The following ROBO2 variants were observed in gnomAD, a reference collection of about 807,000 sequenced individuals.
ROBO2 encodes the protein roundabout guidance receptor 2, also known as roundabout homolog 2.
A neutral mutation model predicts 160.8 loss-of-function variants in ROBO2; 53 were observed. The observed-to-expected ratio is 0.33, with a 90% confidence interval of 0.26 to 0.41. The LOEUF is 0.41. Ranked by LOEUF, ROBO2 falls within the 10% of genes least tolerant of loss-of-function variation. The pLI, the probability that ROBO2 is intolerant of heterozygous loss-of-function variation, is 1.00. For synonymous variants in ROBO2, 664 were observed against 611.7 expected, an observed-to-expected ratio of 1.09 and a Z score of -1.26; for missense variants, 1,577 against 1,722.4, an observed-to-expected ratio of 0.92 and a Z score of 1.49.
At chr3:77,156,546 G>C (rs557192200) in intron 2 of ROBO2, among the ~76,000 whole-genome samples, 2 of 151,874 alleles carry the variant, frequency 1.3e-5, no homozygotes, top group African/African-American at 4.8e-5. Flanking sequence ...CCTGTGTATT[G>C]CAAGTTGCTG....
At chr3:76,867,109 G>A (rs1162237320) in intron 2 of ROBO2, among the ~76,000 whole-genome samples, 1 of 152,146 alleles carries the variant, frequency 6.6e-6, no homozygotes, top group African/African-American at 2.4e-5. Flanking sequence ...CATTTATTAA[G>A]TGTTTACATG....
At chr3:75,993,886 G>C (rs1025486893) in intron 2 of ROBO2, among the ~76,000 whole-genome samples, 4 of 152,116 alleles carry the variant, frequency 2.6e-5, no homozygotes, top group Non-Finnish European at 5.9e-5. Context: ...ACTACTCCCA[G>C]ACCCAACCCC....
chr3:77,217,189 C>A (rs1368384843), intron 2 of ROBO2, among the ~76,000 whole-genome samples: 1 of 151,812 alleles, frequency 6.6e-6, no homozygotes, highest in Non-Finnish European at 1.5e-5. Context: ...GTTGCCCAGG[C>A]TGGAGTGCAG....
At chr3:76,271,713 C>G (rs1188574266) in intron 2 of ROBO2, among the ~76,000 whole-genome samples, 4 of 151,828 alleles carry the variant, frequency 2.6e-5, no homozygotes, top group Non-Finnish European at 5.9e-5. Flanking sequence ...TCCTGCTTCT[C>G]TGGCTCTTTT....
intron 23 of ROBO2, among the ~76,000 whole-genome samples, chr3:77,626,379 C>A (rs535739002): frequency 6.6e-6 from 1 of 151,998 alleles, no homozygotes; most frequent in Non-Finnish European, 1.5e-5. Context: ...TTGCAATGAA[C>A]CTCATTTTAA....
At chr3:76,969,368 A>G (rs2059461224) in intron 2 of ROBO2, among the ~76,000 whole-genome samples, 1 of 152,176 alleles carries the variant, frequency 6.6e-6, no homozygotes, top group African/African-American at 2.4e-5. Flanking sequence ...ACTGCAAGGC[A>G]CAGAGAAAGT....
rs538530030 is a variant in ROBO2 at position 76,051,814 on chromosome 3, G to A, written c.109+114212G>A. Reference sequence around the variant, plus strand: ...TTTAGAAGGGAAAATATTATTGTAAGATAAATTATATACCTCTGAAGCCTG... The same window carrying A: ...TTTAGAAGGGAAAATATTATTGTAAAATAAATTATATACCTCTGAAGCCTG... On this transcript the variant is annotated intron_variant, in intron 2 of 26. Transcript: ENST00000487694. Among the ~76,000 whole-genome samples the A allele has an allele frequency of 9.2e-5, 14 of 151,632 alleles. No individual in the cohort carries two copies. The South Asian group carries it at 2.9e-3, about 32-fold the overall frequency.
intron 2 of ROBO2, among the ~76,000 whole-genome samples, chr3:77,321,238 T>C (rs967131299): frequency 1.3e-5 from 2 of 152,128 alleles, no homozygotes; most frequent in Non-Finnish European, 2.9e-5. Flanking sequence ...TATTTTAGGC[T>C]GGGCACAGTG....
At position 76,382,294 on chromosome 3, in the gene ROBO2, G is replaced by A. The variant is rs1362647728; in HGVS notation, c.109+444692G>A. ...CGAGACAGTTACAGCATTTTTATTGGTTAAAGCTTCTTGGCTGGGCGCGGT... is the reference window on the plus strand; with the variant it reads ...CGAGACAGTTACAGCATTTTTATTGATTAAAGCTTCTTGGCTGGGCGCGGT... On this transcript the variant is annotated intron_variant, in intron 2 of 26. Transcript: ENST00000487694. Among the ~76,000 whole-genome samples the A allele has an allele frequency of 2.0e-5, 3 of 152,148 alleles. No individual in the cohort carries two copies. In the East Asian group the frequency reaches 5.8e-4, roughly 30 times the overall value.
chr3:76,315,445 A>C (rs1000179579), intron 2 of ROBO2, among the ~76,000 whole-genome samples: 2 of 152,196 alleles, frequency 1.3e-5, no homozygotes, highest in African/African-American at 4.8e-5. Context: ...ATGAGCACAT[A>C]CTACGGTATT....
At chr3:77,328,061 T>TAAA (rs2065604041) in intron 2 of ROBO2, among the ~76,000 whole-genome samples, 4 of 17,094 alleles carry the variant, frequency 2.3e-4, no homozygotes, top group Admixed American at 1.8e-3. Flanking sequence ...AGACCGTATC[T>TAAA]CAAAAAAAAA....
intron 2 of ROBO2, among the ~76,000 whole-genome samples, chr3:77,462,309 C>T (rs1371647382): frequency 1.3e-5 from 2 of 152,112 alleles, no homozygotes; most frequent in Non-Finnish European, 1.5e-5. Flanking sequence ...GTGCCTAGCT[C>T]GCAATAGGCC....
intron 2 of ROBO2, among the ~76,000 whole-genome samples, chr3:77,300,966 T>G (rs1390941302): frequency 6.6e-6 from 1 of 151,872 alleles, no homozygotes; most frequent in Non-Finnish European, 1.5e-5. Flanking sequence ...CCTCTTGGGT[T>G]CAAGCAATTC....
At chr3:76,749,358 G>A (rs923362445) in intron 2 of ROBO2, among the ~76,000 whole-genome samples, 3 of 151,840 alleles carry the variant, frequency 2.0e-5, no homozygotes, top group Non-Finnish European at 4.4e-5. Context: ...ATTCAAGGTA[G>A]GCATTCTTAA....
intron 2 of ROBO2, among the ~76,000 whole-genome samples, chr3:77,295,541 C>A (rs1320548809): frequency 7.0e-6 from 1 of 143,258 alleles, no homozygotes; most frequent in Non-Finnish European, 1.5e-5. Context: ...TAAGCTGAGG[C>A]TAGATCACCA....
chr3:77,134,193 G>C (rs1297782646), intron 2 of ROBO2, among the ~76,000 whole-genome samples: 4 of 151,602 alleles, frequency 2.6e-5, no homozygotes, highest in African/African-American at 9.7e-5. Context: ...AAAAGGAAAA[G>C]AAACATAAAA....
intron 2 of ROBO2, among the ~76,000 whole-genome samples, chr3:77,140,778 C>T (rs1422143100): frequency 6.6e-6 from 1 of 152,146 alleles, no homozygotes; most frequent in Non-Finnish European, 1.5e-5. Flanking sequence ...TATAATCAAA[C>T]ATTTTTGTAA....
intron 23 of ROBO2, chr3:77,631,186 C>CT (rs1292837034): frequency 6.6e-6 from 1 of 151,926 alleles, no homozygotes; most frequent in Non-Finnish European, 1.5e-5. Context: ...AATCAAAACT[C>CT]TATCTTTCTT....
chr3:76,101,394 T>C, intron 2 of ROBO2, among the ~76,000 whole-genome samples: 1 of 152,184 alleles, frequency 6.6e-6, no homozygotes, highest in East Asian at 1.9e-4. Flanking sequence ...CACTTTTAGA[T>C]ATAAAAACAT....
Sources: allele counts gnomAD v4.1 joint callset (sites outside exome capture counted in the v4.1 genomes callset), GRCh38; gene constraint gnomAD v4.1.1; transcripts MANE v1.5; gene names NCBI Gene and HGNC (gene_info 2026-07-23, HGNC 2026-07-21).